The following SLC22A15 variants were observed in gnomAD, a reference collection of about 807,000 sequenced individuals.
SLC22A15 encodes the protein flipt 1.
Under a neutral mutation model 62.7 loss-of-function variants are expected in SLC22A15, and 45 were observed. The observed-to-expected ratio is 0.72, with a 90% CI of 0.56 to 0.92. The LOEUF is 0.92. Among genes scored for constraint, SLC22A15 ranks in the 40% least tolerant of loss-of-function variants. The pLI is 0.00. For synonymous variants in SLC22A15, 264 were observed against 267.0 expected (o/e 0.99, Z 0.11); for missense variants, 622 against 665.6 (o/e 0.93, Z 0.72).
intron 2 of SLC22A15, among the ~76,000 whole-genome samples, chr1:116,000,125 G>A (rs868235232): frequency 3.3e-5 from 5 of 151,988 alleles, no homozygotes; most frequent in African/African-American, 1.2e-4. Flanking sequence ...GATAATTAAG[G>A]ACTTACTACT....
intron 8 of SLC22A15, among the ~76,000 whole-genome samples, chr1:116,053,070 G>T (rs1214517830): frequency 1.3e-5 from 2 of 152,216 alleles, no homozygotes; most frequent in East Asian, 3.8e-4. Context: ...TGACTTTGAT[G>T]AGTTGAGAGA....
intron 1 of SLC22A15, among the ~76,000 whole-genome samples, chr1:115,985,052 C>G (rs955899055): frequency 4.6e-5 from 7 of 152,158 alleles, no homozygotes; most frequent in African/African-American, 9.7e-5. Flanking sequence ...TTTAGCCTAA[C>G]TGTACATTGT....
chr1:116,018,123 C>G (rs901459015), intron 2 of SLC22A15, among the ~76,000 whole-genome samples: 12 of 152,296 alleles, frequency 7.9e-5, no homozygotes, highest in South Asian at 6.2e-4. Flanking sequence ...AGGACGCTTT[C>G]AACATTCCAA....
intron 2 of SLC22A15, among the ~76,000 whole-genome samples, chr1:116,004,971 A>G (rs80155800): frequency 0.013 from 1,950 of 152,166 alleles, 19 homozygotes; most frequent in Middle Eastern, 0.02. Context: ...TGTTCATAGT[A>G]TTACCTTATC....
At chr1:116,062,678 A>G in intron 8 of SLC22A15, 84 bp from the exon 9 acceptor site, 3 of 1,533,746 alleles carry the variant, frequency 2.0e-6, no homozygotes, top group African/African-American at 2.7e-5. Flanking sequence ...CATGAATGCC[A>G]CCTGCTCCAT....
rs552575128 is a variant in SLC22A15, at chr1:116,030,249, T to G, written c.729-1117T>G. 9.2e-5 allele frequency among the ~76,000 whole-genome samples: 14 copies of G among 152,306 alleles called. No individual in the cohort carries two copies. In the South Asian group the frequency reaches 2.9e-3, roughly 32 times the overall value. On this transcript the variant is annotated intron_variant, in intron 5 of 11. Transcript: ENST00000369503. ...TCCAGCATCTTTCCTTTCAGCACCATTACATTACTCTGTACAAAATTGAAA... is the reference window on the plus strand; with the variant it reads ...TCCAGCATCTTTCCTTTCAGCACCAGTACATTACTCTGTACAAAATTGAAA...
intron 2 of SLC22A15, among the ~76,000 whole-genome samples, chr1:116,004,805 G>A (rs901039093): frequency 6.6e-6 from 1 of 152,154 alleles, no homozygotes. Flanking sequence ...ATCTGTACCT[G>A]TAGATTTCCT....
chr1:115,982,796 G>C (rs955170965), intron 1 of SLC22A15, among the ~76,000 whole-genome samples: 2 of 152,104 alleles, frequency 1.3e-5, no homozygotes, highest in Non-Finnish European at 2.9e-5. Context: ...TCTAAACATC[G>C]TTTCCTTTTA....
intron 11 of SLC22A15, 87 bp downstream of exon 11, chr1:116,066,795 A>T (rs1658510726): frequency 7.6e-7 from 1 of 1,313,240 alleles, no homozygotes; most frequent in South Asian, 1.5e-5. Context: ...AATAGAACTG[A>T]GTAAAACTGC....
chr1:116,060,817 A>G (rs979732424), intron 8 of SLC22A15, among the ~76,000 whole-genome samples: 7 of 152,210 alleles, frequency 4.6e-5, no homozygotes, highest in Non-Finnish European at 8.8e-5. Flanking sequence ...GTGGCTTAAA[A>G]ATATATATCC....
At chr1:115,994,184 C>T (rs1277013866) in intron 2 of SLC22A15, among the ~76,000 whole-genome samples, 2 of 147,150 alleles carry the variant, frequency 1.4e-5, no homozygotes, top group East Asian at 3.9e-4. Flanking sequence ...AGCCCCACCA[C>T]CACCACCACC....
rs560500755 is a variant in SLC22A15, at chr1:116,068,088, A to G, written c.*980A>G. 1.3e-5 allele frequency: 2 copies of G among 152,624 alleles called. No individual in the cohort carries two copies. Among genetic ancestry groups the G allele is most frequent in the Non-Finnish European group, 2.9e-5 (2 of 68,036 alleles). 9.5% of individuals were successfully genotyped at this position (152,624 alleles called of 1,614,324 possible). ...ATGAGGGATTTGGACAATATTTAAG[A>G]ACTTCTTGTCCTAGATCAGCCCCAA... is the stretch of plus-strand genomic sequence containing the variant. On this transcript the variant is annotated 3_prime_UTR_variant, in exon 12 of 12. Transcript: ENST00000369503.
At chr1:116,016,719 C>G (rs556011511) in intron 2 of SLC22A15, among the ~76,000 whole-genome samples, 3 of 152,242 alleles carry the variant, frequency 2.0e-5, no homozygotes, top group South Asian at 2.1e-4. Flanking sequence ...TCACAACCAC[C>G]CAGAGAGTGG....
intron 8 of SLC22A15, among the ~76,000 whole-genome samples, chr1:116,051,416 TACAGCC>T (rs1366268958): frequency 3.3e-5 from 5 of 152,178 alleles, no homozygotes; most frequent in Non-Finnish European, 7.3e-5. Context: ...TCCAAATACT[TACAGCC>T]AACTGATCTT....
intron 2 of SLC22A15, among the ~76,000 whole-genome samples, chr1:116,018,363 T>TTATTTTA (rs926287659): frequency 4.6e-5 from 7 of 152,138 alleles, no homozygotes; most frequent in African/African-American, 1.7e-4. Context: ...TTATTTTATT[T>TTATTTTA]TATTTTATTT....
intron 1 of SLC22A15, among the ~76,000 whole-genome samples, chr1:115,988,424 C>T (rs1654984700): frequency 6.6e-6 from 1 of 152,196 alleles, no homozygotes; most frequent in Non-Finnish European, 1.5e-5. Flanking sequence ...GAACCACCCC[C>T]ATATTCTATG....
chr1:116,012,852 A>G (rs1279833580), intron 2 of SLC22A15, among the ~76,000 whole-genome samples: 1 of 152,188 alleles, frequency 6.6e-6, no homozygotes, highest in Non-Finnish European at 1.5e-5. Flanking sequence ...CTGGGCTAGT[A>G]GTAAGTGTGG....
At chr1:115,976,891 G>T (rs1365672873) in intron 1 of SLC22A15, among the ~76,000 whole-genome samples, 177 bp downstream of exon 1, 1 of 151,994 alleles carries the variant, frequency 6.6e-6, no homozygotes, top group Non-Finnish European at 1.5e-5. Context: ...CCTGGGCCCG[G>T]CCGGCAGCGT....
chr1:115,978,761 G>A (rs938876591), intron 1 of SLC22A15, among the ~76,000 whole-genome samples: 6 of 152,184 alleles, frequency 3.9e-5, no homozygotes, highest in African/African-American at 1.4e-4. Context: ...TCTGTGGAGT[G>A]GGAGTACTGT....
Sources: gnomAD v4.1 joint callset for allele counts (sites outside exome capture counted in the v4.1 genomes callset) on GRCh38, gnomAD v4.1.1 for gene constraint, MANE v1.5 for transcripts, NCBI Gene and HGNC (gene_info 2026-07-23, HGNC 2026-07-21) for gene names.